VEGFC: variants seen among roughly 807,000 people sequenced by gnomAD.
VEGFC encodes the protein FLT4 ligand DHM.
Under a neutral mutation model 46.1 loss-of-function variants are expected in VEGFC, and 12 were observed. The ratio of observed to expected loss-of-function variants is 0.26; its 90% CI spans 0.17 to 0.42. The LOEUF (loss-of-function observed/expected upper bound fraction) is 0.42, where lower values mean the gene tolerates loss of function less well. Ranked by LOEUF, VEGFC falls within the 10% of genes least tolerant of loss-of-function variation. The pLI is 1.00. For missense variants in VEGFC, 488 were observed against 529.4 expected (o/e 0.92, Z 0.77); for synonymous variants, 232 against 195.5 (o/e 1.19, Z -1.56).
chr4:176,777,918 CAAAAAAAAAAAAA>C (rs773634012), intron 1 of VEGFC, among the ~76,000 whole-genome samples: 258 of 57,176 alleles, frequency 4.5e-3, no homozygotes, highest in Middle Eastern at 0.025. Context: ...GACTTTGTCT[CAAAAAAAAAAAAA>C]AAAAAAAAAA....
chr4:176,730,892 A>AT (rs1269060785), intron 1 of VEGFC, among the ~76,000 whole-genome samples: 1 of 151,680 alleles, frequency 6.6e-6, no homozygotes, highest in African/African-American at 2.4e-5. Flanking sequence ...ATCTAATCTC[A>AT]TTTTTTAATT....
chr4:176,792,256 A>G lies in VEGFC; in HGVS notation c.56T>C (p.Leu19Pro). The G allele has an allele frequency of 6.4e-7, 1 of 1,557,164 alleles. No individual in the cohort carries two copies. Among genetic ancestry groups the G allele is most frequent in the Non-Finnish European group, 8.7e-7 (1 of 1,154,104 alleles). The change falls in exon 1 of 7, where the codon CTC becomes CCC. Residue 19 changes from leucine (L) to proline (P), a missense_variant. Leu to Pro is a moderately conservative substitution (Grantham distance 98). Transcript: ENST00000618562. This position sits in a 1 kb window ranked among gnomAD's most constrained non-coding sequence, Gnocchi z 6.3. ...VACSLLAAAL[L>P]PGPREAPAAA... ...GGCGGGCGCCTCGCGAGGACCCGGG[A>G]GCAGCGCAGCGGCGAGCAGAGAACA...
chr4:176,732,682 GAGA>G (rs1734987605), intron 1 of VEGFC, among the ~76,000 whole-genome samples: 1 of 150,670 alleles, frequency 6.6e-6, no homozygotes, highest in Non-Finnish European at 1.5e-5. Context: ...AACATATGGA[GAGA>G]AGAAAGAAAA....
At chr4:176,703,709 T>C (rs1356942848) in intron 4 of VEGFC, among the ~76,000 whole-genome samples, 2 of 152,142 alleles carry the variant, frequency 1.3e-5, no homozygotes, top group African/African-American at 4.8e-5. Context: ...ACGCATTATA[T>C]GTATGTATCA....
At chr4:176,767,544 G>A (rs1297675924) in intron 1 of VEGFC, among the ~76,000 whole-genome samples, 2 of 152,158 alleles carry the variant, frequency 1.3e-5, no homozygotes. Context: ...CAGGACTAGG[G>A]TAGTTAGGAC....
At chr4:176,723,985 A>G (rs1205180150) in intron 3 of VEGFC, among the ~76,000 whole-genome samples, 1 of 152,102 alleles carries the variant, frequency 6.6e-6, no homozygotes, top group Admixed American at 6.6e-5. Flanking sequence ...TGACATAGGT[A>G]AACTCATGTC....
intron 6 of VEGFC, among the ~76,000 whole-genome samples, chr4:176,685,781 A>C (rs1033364865): frequency 1.3e-5 from 2 of 152,118 alleles, no homozygotes; most frequent in African/African-American, 4.8e-5. Flanking sequence ...TTCTTTCTCA[A>C]AATAAAATTA....
intron 1 of VEGFC, among the ~76,000 whole-genome samples, chr4:176,784,059 T>A (rs1735957260): frequency 4.1e-5 from 3 of 72,710 alleles, no homozygotes; most frequent in South Asian, 1.0e-3. Context: ...TGTATGCACA[T>A]GCTGTTTTTT....
chr4:176,683,882 G>A lies in VEGFC; in HGVS notation c.*44C>T. On this transcript the variant is annotated 3_prime_UTR_variant, in exon 7 of 7. Coordinates refer to ENST00000618562, the MANE Select transcript of VEGFC (RefSeq NM_005429.5). The stretch of plus-strand genomic sequence containing the variant: ...CAGACAGTTCTACTGTGGCAACACA[G>A]TTTTCCATAATAGAAAATCGATGAA... 1 of 1,534,220 alleles carries A rather than the reference G, an allele frequency of 6.5e-7. No individual in the cohort carries two copies. The highest frequency in any genetic ancestry group is 9.0e-7 in the Non-Finnish European group (1 of 1,107,298).
intron 1 of VEGFC, among the ~76,000 whole-genome samples, chr4:176,741,042 T>G (rs1172334347): frequency 1.3e-5 from 2 of 152,006 alleles, no homozygotes; most frequent in Non-Finnish European, 2.9e-5. Context: ...ATTATTTTTA[T>G]CAATGTAATT....
At chr4:176,748,014 C>T (rs926109590) in intron 1 of VEGFC, among the ~76,000 whole-genome samples, 2 of 151,154 alleles carry the variant, frequency 1.3e-5, no homozygotes, top group African/African-American at 2.4e-5. Context: ...AGAACAATTC[C>T]TTTGGGATTA....
chr4:176,751,755 A>T (rs1735345927), intron 1 of VEGFC, among the ~76,000 whole-genome samples: 2 of 151,998 alleles, frequency 1.3e-5, no homozygotes, highest in Admixed American at 1.3e-4. Context: ...TAAAAATATA[A>T]ATACTAAATT....
intron 2 of VEGFC, among the ~76,000 whole-genome samples, chr4:176,728,474 C>A (rs1734908831): frequency 6.6e-6 from 1 of 152,128 alleles, no homozygotes; most frequent in South Asian, 2.1e-4. Flanking sequence ...TATTTGGCAA[C>A]CTTGAGTAAT....
intron 1 of VEGFC, among the ~76,000 whole-genome samples, chr4:176,776,080 C>T (rs1300021166): frequency 1.3e-5 from 2 of 152,136 alleles, no homozygotes; most frequent in East Asian, 1.9e-4. Context: ...CCCTAAGGGT[C>T]AATAAATTAA....
intron 4 of VEGFC, among the ~76,000 whole-genome samples, chr4:176,709,789 T>C (rs1335062607): frequency 6.6e-6 from 1 of 152,194 alleles, no homozygotes; most frequent in Non-Finnish European, 1.5e-5. Context: ...ACGATGCCTT[T>C]TAAAGCTTAC....
At chr4:176,685,779 C>T (rs1387183675) in intron 6 of VEGFC, among the ~76,000 whole-genome samples, 3 of 151,840 alleles carry the variant, frequency 2.0e-5, no homozygotes, top group African/African-American at 7.3e-5. Context: ...AGTTCTTTCT[C>T]AAAATAAAAT....
chr4:176,743,571 A>G (rs1221361136), intron 1 of VEGFC, among the ~76,000 whole-genome samples: 1 of 150,128 alleles, frequency 6.7e-6, no homozygotes, highest in African/African-American at 2.4e-5. Context: ...AAAACAATAT[A>G]TTATACCGAT....
At chr4:176,771,482 G>C (rs6552193) in intron 1 of VEGFC, among the ~76,000 whole-genome samples, 109,609 of 152,142 alleles carry the variant, frequency 0.72, 44,698 homozygotes, top group East Asian at 0.93. Flanking sequence ...AAAATATCAA[G>C]AGTAGTAAGG....
At chr4:176,722,995 T>C (rs1216364069) in intron 3 of VEGFC, among the ~76,000 whole-genome samples, 6 of 152,316 alleles carry the variant, frequency 3.9e-5, no homozygotes, top group South Asian at 2.1e-4. Context: ...AAATGGTTAA[T>C]AGAAGACTAA....
Sources: allele counts gnomAD v4.1 joint callset (sites outside exome capture counted in the v4.1 genomes callset), GRCh38; gene constraint gnomAD v4.1.1; non-coding constraint Gnocchi (gnomAD v3.1); transcripts MANE v1.5; gene names NCBI Gene and HGNC (gene_info 2026-07-23, HGNC 2026-07-21).